The following PKM variants were observed in gnomAD, a reference collection of about 807,000 sequenced individuals.
PKM encodes the protein pyruvate kinase M1/2, also known as pyruvate kinase PKM.
PKM carries 18 observed loss-of-function variants against 49.8 expected under a neutral mutation model. The observed-to-expected ratio is 0.36, with a 90% CI of 0.25 to 0.54. The LOEUF (loss-of-function observed/expected upper bound fraction) is 0.54, where lower values mean the gene tolerates loss of function less well. Ranked by LOEUF, PKM falls within the 20% of genes least tolerant of loss-of-function variation. The pLI is 0.89. For synonymous variants in PKM, 239 were observed against 261.8 expected (o/e 0.91, Z 0.84); for missense variants, 508 against 713.8 (o/e 0.71, Z 3.28).
At chr15:72,216,375 C>G (rs1453912590) in intron 3 of PKM, among the ~76,000 whole-genome samples, 2 of 152,172 alleles carry the variant, frequency 1.3e-5, no homozygotes, top group African/African-American at 4.8e-5. Flanking sequence ...TAGCTCATTC[C>G]TGTAATCCCA....
chr15:72,207,527 G>A (rs965403158), intron 6 of PKM, among the ~76,000 whole-genome samples: 6 of 152,208 alleles, frequency 3.9e-5, no homozygotes, highest in Admixed American at 2.0e-4. Context: ...AGAAAGGGGA[G>A]AGGGCAAATC....
At chr15:72,203,250 C>T (rs1340717489) in intron 8 of PKM, 5 of 1,399,326 alleles carry the variant, frequency 3.6e-6, no homozygotes, top group African/African-American at 1.4e-5. Flanking sequence ...AAACGAGACA[C>T]AACACATGGG....
rs1448230544 is a variant in PKM at position 72,202,731 on chromosome 15, T to C, written c.1141-111A>G. ...GTCACCGGACAGCTGGTGAGGAACA[T>C]GTTCCTGGGAACAAAGGCCAAGAGG... On this transcript the variant is annotated intron_variant, in intron 8 of 10. Transcript: ENST00000335181. The surrounding 1 kb of genome is among the most constrained non-coding windows in gnomAD (Gnocchi z 4.5). The C allele has an allele frequency of 1.2e-5, 12 of 984,276 alleles. 1 individual carries two copies. Among genetic ancestry groups the C allele is most frequent in the Non-Finnish European group, 1.9e-5 (12 of 642,870 alleles). The allele number at this position is 984,276 out of a possible 1,614,324, so 61.0% of individuals were successfully genotyped here. A position where few individuals can be genotyped will look rare whatever the true frequency, so the allele number is the denominator to read the frequency against.
Position 72,202,985 on chromosome 15 carries a change from G to T in PKM, c.1141-365C>A. The T allele has an allele frequency of 1.2e-6, 2 of 1,602,876 alleles. No homozygotes were observed. Among genetic ancestry groups the T allele is most frequent in the South Asian group, 1.1e-5 (1 of 90,878 alleles). ...CTAGAGCAGGTGGAGCAAGAGGCTG[G>T]TTATCCTAACAGTGTTACCTGCCCT... On this transcript the variant is annotated intron_variant, in intron 8 of 10. Coordinates refer to ENST00000335181, the MANE Select transcript of PKM (RefSeq NM_002654.6). The surrounding 1 kb of genome is among the most constrained non-coding windows in gnomAD (Gnocchi z 4.5).
chr15:72,218,688 A>T (rs2082438270), intron 2 of PKM, among the ~76,000 whole-genome samples: 1 of 151,274 alleles, frequency 6.6e-6, no homozygotes, highest in South Asian at 2.1e-4. Flanking sequence ...TTGGCCTCCC[A>T]AAGTGCTGGG....
intron 3 of PKM, among the ~76,000 whole-genome samples, 184 bp from the exon 4 acceptor site, chr15:72,210,662 C>A (rs1596753053): frequency 6.6e-6 from 1 of 152,208 alleles, no homozygotes; most frequent in Admixed American, 6.5e-5. Flanking sequence ...ACCTCCTCAG[C>A]CTCCACCCAC....
intron 6 of PKM, among the ~76,000 whole-genome samples, chr15:72,207,976 G>C (rs1312428949): frequency 2.0e-5 from 3 of 152,216 alleles, no homozygotes; most frequent in African/African-American, 4.8e-5. Flanking sequence ...TTCCTAGCAG[G>C]ATGCCAAAAA....
At chr15:72,206,641 G>A (rs1453420333) in intron 8 of PKM, 87 bp downstream of exon 8, 3 of 1,335,682 alleles carry the variant, frequency 2.2e-6, no homozygotes, top group Non-Finnish European at 3.2e-6. Flanking sequence ...AGAGGATGGA[G>A]AAACCTAAAA....
At chr15:72,215,078 G>A (rs1273813989) in intron 3 of PKM, among the ~76,000 whole-genome samples, 2 of 152,148 alleles carry the variant, frequency 1.3e-5, no homozygotes, top group African/African-American at 4.8e-5. Context: ...GCACAGGTCT[G>A]TAATCCCAGC....
intron 1 of PKM, among the ~76,000 whole-genome samples, chr15:72,221,610 T>C (rs1022635973): frequency 6.6e-5 from 10 of 151,960 alleles, no homozygotes; most frequent in African/African-American, 2.2e-4. Context: ...GATATAAATA[T>C]AAAAATACTT....
chr15:72,217,988 T>A (rs371785913), intron 2 of PKM, among the ~76,000 whole-genome samples: 1 of 152,252 alleles, frequency 6.6e-6, no homozygotes. Flanking sequence ...TACAAAGTTA[T>A]GTAATCCAAT....
chr15:72,223,573 G>C (rs1382562041), intron 1 of PKM, among the ~76,000 whole-genome samples: 1 of 152,180 alleles, frequency 6.6e-6, no homozygotes, highest in Non-Finnish European at 1.5e-5. Flanking sequence ...ATTCAGGTCA[G>C]CCTGCTCTCT....
intron 8 of PKM, among the ~76,000 whole-genome samples, chr15:72,205,634 T>G (rs1015725177): frequency 9.3e-5 from 14 of 150,788 alleles, no homozygotes; most frequent in African/African-American, 2.2e-4. Flanking sequence ...GTTTTTTTTT[T>G]TTTTTTTTTT....
Position 72,200,603 on chromosome 15 carries a change from T to G in PKM, c.1360A>C (p.Thr454Pro). Residue 454 changes from threonine to proline, a missense_variant, in exon 10 of 11, where the codon ACC (threonine) becomes CCC (proline). Thr to Pro is a conservative substitution (Grantham distance 38). Coordinates refer to ENST00000335181, the MANE Select transcript of PKM (RefSeq NM_002654.6). This position sits in a 1 kb window ranked among gnomAD's most constrained non-coding sequence, Gnocchi z 4.6. ...YRPRAPIIAV[T>P]RNPQTARQAH... ...TGACGAGCTGTCTGGGGATTCCGGG[T>G]CACAGCAATGATGGGGGCACGTGGG... 1.9e-6 allele frequency: 3 copies of G among 1,613,780 alleles called. No individual in the cohort carries two copies. Among genetic ancestry groups the G allele is most frequent in the Non-Finnish European group, 2.5e-6 (3 of 1,179,874 alleles).
chr15:72,207,542 T>C (rs1296472087), intron 6 of PKM, among the ~76,000 whole-genome samples: 4 of 152,314 alleles, frequency 2.6e-5, no homozygotes, highest in East Asian at 1.9e-4. Flanking sequence ...CAAATCCAAA[T>C]GGGCTCATTC....
Position 72,212,851 on chromosome 15 carries a change from C to T in PKM, c.247-2373G>A, listed in dbSNP as rs577762044. ...CTTTGGGAGGCCGAGGAGGGGGGAT[C>T]ACAAGGTCAGGAGATCGAGACCATC... is the stretch of plus-strand genomic sequence containing the variant. On this transcript the variant is annotated intron_variant, in intron 3 of 10. Coordinates refer to ENST00000335181, the MANE Select transcript of PKM (RefSeq NM_002654.6). Among the ~76,000 whole-genome samples, 11 of 152,254 alleles carry T rather than the reference C, an allele frequency of 7.2e-5. No homozygotes were observed. The South Asian group carries it at 2.3e-3, about 32-fold the overall frequency.
At chr15:72,229,975 C>T (rs1349170978) in intron 1 of PKM, among the ~76,000 whole-genome samples, 2 of 151,960 alleles carry the variant, frequency 1.3e-5, no homozygotes, top group African/African-American at 4.8e-5. Context: ...AGGCGCGGAA[C>T]GGGCGAGGGC....
intron 8 of PKM, chr15:72,203,478 C>T: frequency 2.2e-6 from 1 of 450,414 alleles, no homozygotes; most frequent in Non-Finnish European, 4.1e-6. Context: ...CTCTAGCACC[C>T]TGGCATGAAA....
intron 3 of PKM, among the ~76,000 whole-genome samples, chr15:72,215,684 G>A (rs2082362166): frequency 6.6e-6 from 1 of 152,300 alleles, no homozygotes; most frequent in African/African-American, 2.4e-5. Flanking sequence ...GAGCTATGTG[G>A]TGTTATTTTA....
Sources: allele counts gnomAD v4.1 joint callset (sites outside exome capture counted in the v4.1 genomes callset), GRCh38; gene constraint gnomAD v4.1.1; non-coding constraint Gnocchi (gnomAD v3.1); transcripts MANE v1.5; gene names NCBI Gene and HGNC (gene_info 2026-07-23, HGNC 2026-07-21).